Variants in PUS1 observed in about 807,000 individuals in gnomAD.
PUS1 encodes the protein pseudouridine synthase 1, also known as pseudouridylate synthase 1 homolog.
PUS1 carries 25 observed loss-of-function variants against 38.5 expected under a neutral mutation model. The ratio of observed to expected loss-of-function variants is 0.65; its 90% CI spans 0.47 to 0.91. The LOEUF is 0.91. PUS1 is among the 40% of genes least tolerant of loss of function. The pLI, the probability that PUS1 is intolerant of heterozygous loss-of-function variation, is 0.00. For missense variants in PUS1, 597 were observed against 612.3 expected (o/e 0.97, Z 0.26); for synonymous variants, 282 against 260.4 (o/e 1.08, Z -0.80).
chr12:131,943,560 A>G lies in PUS1; in HGVS notation c.1258A>G (p.Ser420Gly). The change falls in exon 6 of 6, where the codon AGT becomes GGT. Residue 420 changes from serine (S) to glycine (G), a missense_variant. Coordinates refer to ENST00000376649, the MANE Select transcript of PUS1 (RefSeq NM_025215.6). Reference protein sequence around the residue: ...GAKVPSPLEGSEGDGDTD With the variant: ...GAKVPSPLEGGEGDGDTD ...GCAGGTGCCCAGTCCCCTGGAAGGCAGTGAAGGGGACGGAGACACTGACTG... is the reference window on the plus strand; with the variant it reads ...GCAGGTGCCCAGTCCCCTGGAAGGCGGTGAAGGGGACGGAGACACTGACTG... The G allele has an allele frequency of 6.2e-7, 1 of 1,613,726 alleles. No individual in the cohort carries two copies. The highest frequency in any genetic ancestry group is 8.5e-7 in the Non-Finnish European group (1 of 1,179,726).
intron 5 of PUS1, 132 bp from the exon 6 acceptor site, chr12:131,943,407 C>T: frequency 1.2e-6 from 1 of 801,308 alleles, no homozygotes; most frequent in Non-Finnish European, 2.2e-6. Flanking sequence ...GAACAAACAC[C>T]AGACTCTGCT....
At chr12:131,937,320 C>G (rs1220405512) in intron 3 of PUS1, among the ~76,000 whole-genome samples, 1 of 152,104 alleles carries the variant, frequency 6.6e-6, no homozygotes, top group African/African-American at 2.4e-5. Context: ...CCAGATTCAC[C>G]AAGGTTAGGT....
At chr12:131,929,837 A>G in intron 1 of PUS1, 41 bp downstream of exon 1, 2 of 434,208 alleles carry the variant, frequency 4.6e-6, no homozygotes, top group Non-Finnish European at 7.8e-6. Context: ...ATGCCCGCCC[A>G]GCCCAGCCCA....
intron 2 of PUS1, among the ~76,000 whole-genome samples, chr12:131,930,375 T>G (rs1051462105): frequency 1.5e-4 from 23 of 152,352 alleles, no homozygotes; most frequent in Middle Eastern, 3.4e-3. Flanking sequence ...GGGGTTCACT[T>G]GCTGGGTGCC....
At chr12:131,931,919 G>A (rs1890618885) in intron 2 of PUS1, 1 of 611,130 alleles carries the variant, frequency 1.6e-6, no homozygotes, top group Non-Finnish European at 2.9e-6. Context: ...GTGGAAGTAG[G>A]TGTATGCACA....
intron 1 of PUS1, 49 bp from the exon 2 acceptor site, chr12:131,929,858 C>G: frequency 6.9e-7 from 1 of 1,448,808 alleles, no homozygotes; most frequent in South Asian, 1.3e-5. Flanking sequence ...CCCCAGTCCA[C>G]CCCGCGCGGT....
At position 131,929,805 on chromosome 12, in the gene PUS1, C is replaced by A; in HGVS notation, c.74+9C>A. 1.9e-6 allele frequency: 3 copies of A among 1,577,480 alleles called. No homozygotes were observed. Among genetic ancestry groups the A allele is most frequent in the Non-Finnish European group, 2.6e-6 (3 of 1,171,660 alleles). On this transcript the variant is annotated intron_variant, in intron 1 of 5. Transcript: ENST00000376649. ...GGACCGCGTCCGTCCTGGTAATGACCGCGACGCCGGGCGACCCCGCTATGC... is the reference window on the plus strand; with the variant it reads ...GGACCGCGTCCGTCCTGGTAATGACAGCGACGCCGGGCGACCCCGCTATGC...
chr12:131,936,796 G>C (rs7976578), intron 3 of PUS1, among the ~76,000 whole-genome samples: 150,912 of 152,006 alleles, frequency 0.99, 74,919 homozygotes, highest in Middle Eastern at 1. Flanking sequence ...GGCTGAGGCA[G>C]GAGAATCTCT....
chr12:131,941,761 G>C lies in PUS1; in HGVS notation c.1014G>C (p.Val338=). 2 of 1,613,862 alleles carry C rather than the reference G, an allele frequency of 1.2e-6. No individual in the cohort carries two copies. The highest frequency in any genetic ancestry group is 1.7e-6 in the Non-Finnish European group (2 of 1,179,784). ...APGLGLVLER[V]HFEKYNQRFG... is the part of the protein sequence containing the mutation. ...GACTCGGCCTGGTCCTGGAGAGGGT[G>C]CACTTCGAGAAGTACAACCAGCGCT... is the stretch of plus-strand genomic sequence containing the variant. Residue 338 remains valine (V), a synonymous_variant, in exon 5 of 6, where the codon GTG becomes GTC. Coordinates refer to ENST00000376649, the MANE Select transcript of PUS1 (RefSeq NM_025215.6). The surrounding 1 kb of genome is among the most constrained non-coding windows in gnomAD (Gnocchi z 4.4).
chr12:131,934,424 T>G (rs906523615), intron 3 of PUS1, among the ~76,000 whole-genome samples: 27 of 152,184 alleles, frequency 1.8e-4, no homozygotes, highest in Non-Finnish European at 3.1e-4. Context: ...GACAGGGGGC[T>G]CACACCCTTG....
At chr12:131,938,526 T>G (rs532455585) in intron 3 of PUS1, among the ~76,000 whole-genome samples, 1 of 152,264 alleles carries the variant, frequency 6.6e-6, no homozygotes, top group East Asian at 1.9e-4. Context: ...GTGCGAGTCT[T>G]AAGTGTAAAC....
Position 131,941,674 on chromosome 12 carries a change from C to T in PUS1, c.927C>T (p.Ala309=), listed in dbSNP as rs763619977. ...GLVVAIVKGY[A]PESVLERSWG... ...TGGTGGCCATTGTGAAGGGTTATGCCCCTGAGAGCGTGCTGGAGCGCAGCT... is the reference window on the plus strand; with the variant it reads ...TGGTGGCCATTGTGAAGGGTTATGCTCCTGAGAGCGTGCTGGAGCGCAGCT... Residue 309 remains alanine (A), a synonymous_variant, in exon 5 of 6, where the codon GCC becomes GCT. Coordinates refer to ENST00000376649, the MANE Select transcript of PUS1 (RefSeq NM_025215.6). This position sits in a 1 kb window ranked among gnomAD's most constrained non-coding sequence, Gnocchi z 4.4. 29 of 1,614,040 alleles carry T rather than the reference C, an allele frequency of 1.8e-5. No individual in the cohort carries two copies. The highest frequency in any genetic ancestry group is 2.3e-5 in the Non-Finnish European group (27 of 1,180,038).
Position 131,939,248 on chromosome 12 carries a change from C to G in PUS1, c.517C>G (p.His173Asp). 6.4e-7 allele frequency: 1 copy of G among 1,558,518 alleles called. No homozygotes were observed. The highest frequency in any genetic ancestry group is 8.7e-7 in the Non-Finnish European group (1 of 1,149,724). Reference protein sequence around the residue: ...IDDILEKINSHLPSHIRILGL... With the variant: ...IDDILEKINSDLPSHIRILGL... ...CGACATTCTAGAAAAGATCAACAGC[C>G]ACCTTCCCTCTCACATTCGGATTCT... The change falls in exon 4 of 6, where the codon CAC (histidine) becomes GAC (aspartate). Residue 173 changes from histidine to aspartate, a missense_variant. Physicochemically the swap from His to Asp is moderately conservative, Grantham distance 81. Transcript: ENST00000376649.
In PUS1 at chr12:131,943,862, C is replaced by T. The variant is rs1003143952; in HGVS notation, c.*276C>T. ...AAGTACAAATTTTGCTTAGTCAATC[C>T]TTGGTTTGCCTTTTTCTTAGTCTTT... On this transcript the variant is annotated 3_prime_UTR_variant, in exon 6 of 6. Coordinates refer to ENST00000376649, the MANE Select transcript of PUS1 (RefSeq NM_025215.6). 3 of 437,608 alleles carry T rather than the reference C, an allele frequency of 6.9e-6. No individual in the cohort carries two copies. Among genetic ancestry groups the T allele is most frequent in the East Asian group, 4.6e-5 (1 of 21,742 alleles). 27.1% of individuals were successfully genotyped at this position (437,608 alleles called of 1,614,324 possible). A position where few individuals can be genotyped will look rare whatever the true frequency, so the allele number is the denominator to read the frequency against.
intron 5 of PUS1, 118 bp downstream of exon 5, chr12:131,942,101 G>A (rs955890806): frequency 1.0e-5 from 10 of 963,458 alleles, no homozygotes; most frequent in African/African-American, 1.6e-5. Flanking sequence ...CCACACAGCT[G>A]CTGCAGGAGC....
intron 3 of PUS1, chr12:131,934,552 T>C (rs1167715016): frequency 6.6e-6 from 1 of 152,256 alleles, no homozygotes; most frequent in African/African-American, 2.4e-5. Flanking sequence ...TACAAACTAA[T>C]GATTGATAAT....
chr12:131,939,968 T>A (rs930596363), intron 4 of PUS1, among the ~76,000 whole-genome samples: 1 of 152,130 alleles, frequency 6.6e-6, no homozygotes, highest in African/African-American at 2.4e-5. Context: ...TGCTCTCTGT[T>A]TTCTTTTCCT....
Position 131,945,177 on chromosome 12 carries a change from A to G in PUS1, c.*1591A>G, listed in dbSNP as rs543614999. On this transcript the variant is annotated 3_prime_UTR_variant, in exon 6 of 6. Transcript: ENST00000376649. ...GCGTGAGTGACATGTGCACGTGCCCATGATGCGGTGGACACCGTGTGTGAG... is the reference window on the plus strand; with the variant it reads ...GCGTGAGTGACATGTGCACGTGCCCGTGATGCGGTGGACACCGTGTGTGAG... The G allele has an allele frequency of 1.3e-5, 2 of 152,426 alleles. No individual in the cohort carries two copies. Among genetic ancestry groups the G allele is most frequent in the Admixed American group, 6.5e-5 (1 of 15,292 alleles). The allele number at this position is 152,426 out of a possible 1,614,324, so 9.4% of individuals were successfully genotyped here. A position where few individuals can be genotyped will look rare whatever the true frequency, so the allele number is the denominator to read the frequency against.
In PUS1 at chr12:131,941,360, C is replaced by G; in HGVS notation, c.613C>G (p.Leu205Val). Reference sequence around the variant, plus strand: ...TGATGCCAGGACCTATTGCTACCTGCTGCCCACGTTTGCCTTTGCGCACAA... The same window carrying G: ...TGATGCCAGGACCTATTGCTACCTGGTGCCCACGTTTGCCTTTGCGCACAA... ...RCDARTYCYL[L>V]PTFAFAHKDR... The change falls in exon 5 of 6, where the codon CTG becomes GTG. Residue 205 changes from leucine to valine, a missense_variant. Leu to Val is a conservative substitution (Grantham distance 32, BLOSUM62 1). Coordinates refer to ENST00000376649, the MANE Select transcript of PUS1 (RefSeq NM_025215.6). This position sits in a 1 kb window ranked among gnomAD's most constrained non-coding sequence, Gnocchi z 4.4. 6.2e-7 allele frequency: 1 copy of G among 1,614,228 alleles called. No individual in the cohort carries two copies. Among genetic ancestry groups the G allele is most frequent in the African/African-American group, 1.3e-5 (1 of 75,054 alleles).
Sources: allele counts gnomAD v4.1 joint callset (sites outside exome capture counted in the v4.1 genomes callset), GRCh38; gene constraint gnomAD v4.1.1; non-coding constraint Gnocchi (gnomAD v3.1); transcripts MANE v1.5; gene names NCBI Gene and HGNC (gene_info 2026-07-23, HGNC 2026-07-21).